Variants in DZIP1 observed in about 807,000 individuals in gnomAD.
DZIP1 encodes the protein DAZ interacting zinc finger protein 1, also known as cilium assembly protein DZIP1.
DZIP1 carries 97 observed loss-of-function variants against 107.6 expected under a neutral mutation model. The ratio of observed to expected loss-of-function variants is 0.90; its 90% confidence interval spans 0.77 to 1.07. The LOEUF (loss-of-function observed/expected upper bound fraction) is 1.07. Among genes scored for constraint, DZIP1 ranks in the 50% least tolerant of loss-of-function variants. The pLI, the probability that DZIP1 is intolerant of heterozygous loss-of-function variation, is 0.00. For missense variants in DZIP1, 1,035 were observed against 1,063.6 expected (o/e 0.97, Z 0.37); for synonymous variants, 390 against 386.4 (o/e 1.01, Z -0.11).
intron 10 of DZIP1, among the ~76,000 whole-genome samples, chr13:95,616,771 C>T (rs145430843): frequency 1.2e-4 from 18 of 152,184 alleles, no homozygotes; most frequent in African/African-American, 3.1e-4. Flanking sequence ...TGAGGAGAAC[C>T]TCCATTGTGC....
At chr13:95,600,513 T>C (rs910492505) in intron 14 of DZIP1, among the ~76,000 whole-genome samples, 4 of 152,036 alleles carry the variant, frequency 2.6e-5, no homozygotes, top group Non-Finnish European at 5.9e-5. Flanking sequence ...TTTTTATTCA[T>C]TAAAGTATTT....
chr13:95,632,573 C>T (rs568747348), intron 6 of DZIP1, among the ~76,000 whole-genome samples: 13 of 152,280 alleles, frequency 8.5e-5, no homozygotes, highest in African/African-American at 2.9e-4. Flanking sequence ...TAGTCTCTAT[C>T]CACAGCTAGA....
intron 15 of DZIP1, 46 bp from the exon 16 acceptor site, chr13:95,594,132 T>C (rs755867691): frequency 1.1e-5 from 16 of 1,481,534 alleles, no homozygotes; most frequent in Non-Finnish European, 1.3e-5. Flanking sequence ...ATTAAGCAAA[T>C]ACATCAAAAA....
intron 14 of DZIP1, among the ~76,000 whole-genome samples, chr13:95,604,004 C>T (rs190363129): frequency 3.9e-5 from 6 of 152,308 alleles, no homozygotes. Context: ...GGGCAATGGC[C>T]CACCCCTGCC....
rs1878915467 is a variant in DZIP1 at position 95,644,647 on chromosome 13, C to T, written c.-796G>A. ...ACGACTCAGGATACCCCACCCCCCT[C>T]CCGCCCCCTCCCCTCCGCGATCTCC... On this transcript the variant is annotated 5_prime_UTR_variant, in exon 1 of 23. Transcript: ENST00000376829. The T allele has an allele frequency of 6.7e-6, 1 of 148,878 alleles. No individual in the cohort carries two copies. Among genetic ancestry groups the T allele is most frequent in the Admixed American group, 6.6e-5 (1 of 15,082 alleles). The allele number at this position is 148,878 out of a possible 1,614,324, so 9.2% of individuals were successfully genotyped here.
intron 5 of DZIP1, among the ~76,000 whole-genome samples, chr13:95,636,363 C>T (rs1234774726): frequency 2.0e-5 from 3 of 151,660 alleles, no homozygotes; most frequent in African/African-American, 4.8e-5. Context: ...GCCAACTTGG[C>T]GAAACCCTGT....
intron 16 of DZIP1, among the ~76,000 whole-genome samples, chr13:95,593,264 T>C (rs2044360736): frequency 6.6e-6 from 1 of 152,210 alleles, no homozygotes. Flanking sequence ...TACATGTATA[T>C]ATACATAGCT....
chr13:95,590,213 A>G, intron 17 of DZIP1, 66 bp downstream of exon 17: 1 of 1,408,734 alleles, frequency 7.1e-7, no homozygotes, highest in Non-Finnish European at 9.6e-7. Context: ...TCTTGTGGTG[A>G]AAAAAGAAGA....
At chr13:95,621,598 G>A (rs1489491873) in intron 9 of DZIP1, among the ~76,000 whole-genome samples, 1 of 150,734 alleles carries the variant, frequency 6.6e-6, no homozygotes, top group Non-Finnish European at 1.5e-5. Flanking sequence ...CCCCTAAACC[G>A]CTGTCACTTC....
At chr13:95,639,606 A>AGAG (rs1341825600) in intron 5 of DZIP1, among the ~76,000 whole-genome samples, 6 of 149,130 alleles carry the variant, frequency 4.0e-5, no homozygotes, top group African/African-American at 1.5e-4. Flanking sequence ...AAAAAAAAAA[A>AGAG]AGAGAGAGAG....
At chr13:95,634,368 C>G (rs545793893) in intron 5 of DZIP1, among the ~76,000 whole-genome samples, 11 of 152,220 alleles carry the variant, frequency 7.2e-5, no homozygotes, top group Non-Finnish European at 1.3e-4. Flanking sequence ...ATCTCACTGG[C>G]TAATATTTTC....
chr13:95,629,975 A>C lies in DZIP1; in HGVS notation c.810+14T>G. The C allele has an allele frequency of 6.3e-7, 1 of 1,585,286 alleles. No homozygotes were observed. The highest frequency in any genetic ancestry group is 8.6e-7 in the Non-Finnish European group (1 of 1,168,748). On this transcript the variant is annotated intron_variant, in intron 7 of 22. Coordinates refer to ENST00000376829, the MANE Select transcript of DZIP1 (RefSeq NM_198968.4). ...TTAATTGTAATTAAAATACCACAGA[A>C]TTCTGCCTGGTACCTTGGAGAATCT...
In DZIP1 at chr13:95,642,040, G is replaced by A. The variant is rs748875380; in HGVS notation, c.-11C>T. ...TGCCTCAGCTTGCATAGGAGGAGCC[G>A]GGCGGTCTTTACCCAGCCTGGGCCG... On this transcript the variant is annotated 5_prime_UTR_variant, in exon 4 of 23. Transcript: ENST00000376829. 2.6e-5 allele frequency: 40 copies of A among 1,566,410 alleles called. No individual in the cohort carries two copies. The highest frequency in any genetic ancestry group is 3.4e-5 in the Non-Finnish European group (39 of 1,162,146).
chr13:95,604,064 C>G (rs923831553), intron 14 of DZIP1, among the ~76,000 whole-genome samples: 1 of 152,226 alleles, frequency 6.6e-6, no homozygotes. Flanking sequence ...AGCTCTGAAG[C>G]AGGGCTGGCT....
At chr13:95,636,745 T>C (rs1321217836) in intron 5 of DZIP1, among the ~76,000 whole-genome samples, 1 of 151,956 alleles carries the variant, frequency 6.6e-6, no homozygotes, top group East Asian at 1.9e-4. Context: ...TGCATAAAGG[T>C]AACTGGTTTC....
At chr13:95,593,280 C>A (rs2044360944) in intron 16 of DZIP1, among the ~76,000 whole-genome samples, 1 of 152,172 alleles carries the variant, frequency 6.6e-6, no homozygotes, top group Admixed American at 6.5e-5. Flanking sequence ...TAGCTACATG[C>A]ACACATACAC....
chr13:95,612,190 T>C lies in DZIP1; in HGVS notation c.1174-13A>G. 1.9e-6 allele frequency: 3 copies of C among 1,606,124 alleles called. No homozygotes were observed. The highest frequency in any genetic ancestry group is 2.5e-6 in the Non-Finnish European group (3 of 1,179,042). On this transcript the variant is annotated splice_polypyrimidine_tract_variant and intron_variant, in intron 10 of 22. Coordinates refer to ENST00000376829, the MANE Select transcript of DZIP1 (RefSeq NM_198968.4). Reference sequence around the variant, plus strand: ...TATGTGACAGGAGCTGAAAAAAAGTTAAGAAAGGCATCCATCTGTAAGCTG... The same window carrying C: ...TATGTGACAGGAGCTGAAAAAAAGTCAAGAAAGGCATCCATCTGTAAGCTG...
chr13:95,614,782 G>C (rs1397896934), intron 10 of DZIP1, among the ~76,000 whole-genome samples: 1 of 152,032 alleles, frequency 6.6e-6, no homozygotes, highest in Non-Finnish European at 1.5e-5. Flanking sequence ...TGGGTAAAAA[G>C]GGCATGCCAT....
intron 7 of DZIP1, among the ~76,000 whole-genome samples, chr13:95,629,463 C>A (rs1876938896): frequency 6.6e-6 from 1 of 152,104 alleles, no homozygotes; most frequent in Non-Finnish European, 1.5e-5. Context: ...GGAGACTCAA[C>A]CCTCTGTTGG....
Sources: allele counts gnomAD v4.1 joint callset (sites outside exome capture counted in the v4.1 genomes callset), GRCh38; gene constraint gnomAD v4.1.1; transcripts MANE v1.5; gene names NCBI Gene and HGNC (gene_info 2026-07-23, HGNC 2026-07-21).